The following SUCLG1 variants were observed in gnomAD, a reference collection of about 807,000 sequenced individuals.
The protein encoded by SUCLG1 is succinate--CoA ligase [ADP/GDP-forming] subunit alpha, mitochondrial.
SUCLG1 carries 26 observed loss-of-function variants against 37.3 expected under a neutral mutation model. That is an observed-to-expected ratio of 0.70 (90% CI 0.51 to 0.97). The LOEUF is 0.97. Ranked by LOEUF, SUCLG1 falls within the 50% of genes least tolerant of loss-of-function variation. The probability of loss-of-function intolerance (pLI) is 0.00; values close to 1 mark genes in which losing one functional copy is unlikely to be tolerated. For missense variants in SUCLG1, 433 were observed against 432.9 expected, an observed-to-expected ratio of 1.00 and a Z score of 0.00; for synonymous variants, 163 against 155.6, an observed-to-expected ratio of 1.05 and a Z score of -0.36.
chr2:84,443,467 A>G, intron 2 of SUCLG1, 67 bp from the exon 3 acceptor site: 1 of 1,363,324 alleles, frequency 7.3e-7, no homozygotes, highest in Non-Finnish European at 1.0e-6. Flanking sequence ...AGCAAAAGCA[A>G]TCTTAGCAAC....
At chr2:84,433,603 G>T (rs1406954517) in intron 5 of SUCLG1, 168 bp from the exon 6 acceptor site, 11 of 653,408 alleles carry the variant, frequency 1.7e-5, no homozygotes, top group Non-Finnish European at 3.0e-5. Context: ...AAAAGGAAAG[G>T]CTTAAATTCA....
At chr2:84,457,436 C>T (rs1350596362) in intron 1 of SUCLG1, among the ~76,000 whole-genome samples, 1 of 152,174 alleles carries the variant, frequency 6.6e-6, no homozygotes, top group Non-Finnish European at 1.5e-5. Flanking sequence ...ACCAGATGGT[C>T]ACTCTAGGGC....
Position 84,441,357 on chromosome 2 carries a change from C to T in SUCLG1, c.421G>A (p.Val141Met). 1 of 1,614,130 alleles carries T rather than the reference C, an allele frequency of 6.2e-7. No homozygotes were observed. Among genetic ancestry groups the T allele is most frequent in the Non-Finnish European group, 8.5e-7 (1 of 1,180,020 alleles). The change falls in exon 4 of 9, where the codon GTG (valine) becomes ATG (methionine). Residue 141 changes from valine to methionine, a missense_variant. By Grantham distance (21) the Val-to-Met change is conservative. Transcript: ENST00000393868. ...EAIEAEIPLV[V>M]CITEGIPQQD... ...TGGGGAATTCCTTCAGTGATACACA[C>T]AACCAAGGGAATTTCTGCCTCAATA...
chr2:84,433,084 C>T, intron 6 of SUCLG1: 2 of 516,954 alleles, frequency 3.9e-6, no homozygotes, highest in Non-Finnish European at 6.9e-6. Context: ...AGCAATCAAA[C>T]CAAGTGATGT....
At chr2:84,456,099 G>A (rs1673015201) in intron 1 of SUCLG1, among the ~76,000 whole-genome samples, 1 of 152,116 alleles carries the variant, frequency 6.6e-6, no homozygotes, top group African/African-American at 2.4e-5. Context: ...CACTGTTGAG[G>A]ATCTCATTTT....
Position 84,431,609 on chromosome 2 carries a change from T to C in SUCLG1, c.724A>G (p.Ile242Val), listed in dbSNP as rs1221041580. 1 of 1,614,002 alleles carries C rather than the reference T, an allele frequency of 6.2e-7. No individual in the cohort carries two copies. Among genetic ancestry groups the C allele is most frequent in the South Asian group, 1.1e-5 (1 of 91,084 alleles). Residue 242 changes from isoleucine to valine, a missense_variant, in exon 7 of 9, where the codon ATC becomes GTC. Transcript: ENST00000393868. ...NGTDFIDCLE[I>V]FLNDSATEGI... ...TCTGTGGCAGAATCGTTCAAAAAGA[T>C]TTCGAGGCAGTCAATAAAATCTGTT...
intron 3 of SUCLG1, among the ~76,000 whole-genome samples, chr2:84,442,828 C>G (rs1672794960): frequency 6.6e-6 from 1 of 152,158 alleles, no homozygotes; most frequent in African/African-American, 2.4e-5. Context: ...GTTGTGAGAC[C>G]ATGGGCAAGA....
At chr2:84,440,983 G>A (rs577031620) in intron 5 of SUCLG1, 64 bp downstream of exon 5, 5 of 1,529,582 alleles carry the variant, frequency 3.3e-6, no homozygotes, top group Middle Eastern at 2.3e-4. Context: ...AAAATTCTTT[G>A]TGAGTTTTGA....
intron 3 of SUCLG1, among the ~76,000 whole-genome samples, chr2:84,442,049 C>T (rs1672781948): frequency 6.6e-6 from 1 of 151,732 alleles, no homozygotes; most frequent in Non-Finnish European, 1.5e-5. Context: ...TTTGTAAGAG[C>T]AGAACGGGTG....
At chr2:84,425,311 A>G (rs1330031014) in intron 8 of SUCLG1, 104 bp downstream of exon 8, 2 of 1,407,054 alleles carry the variant, frequency 1.4e-6, no homozygotes, top group Admixed American at 3.6e-5. Flanking sequence ...TCAGAAAACC[A>G]ATTAAGTCCC....
chr2:84,433,656 A>T, intron 5 of SUCLG1: 1 of 565,316 alleles, frequency 1.8e-6, no homozygotes, highest in Non-Finnish European at 3.2e-6. Context: ...AAAGTATATT[A>T]TTAGTTAAGG....
At chr2:84,443,051 C>A (rs79101523) in intron 3 of SUCLG1, among the ~76,000 whole-genome samples, 1 of 152,156 alleles carries the variant, frequency 6.6e-6, no homozygotes. Flanking sequence ...GTAAGGAAAG[C>A]GTAAAAAGCC....
At chr2:84,446,048 C>T (rs1672845455) in intron 2 of SUCLG1, among the ~76,000 whole-genome samples, 1 of 152,266 alleles carries the variant, frequency 6.6e-6, no homozygotes, top group Admixed American at 6.5e-5. Flanking sequence ...GTGCCCTCTG[C>T]ATGGAATATC....
At chr2:84,433,768 T>A (rs979578072) in intron 5 of SUCLG1, 5 of 347,290 alleles carry the variant, frequency 1.4e-5, no homozygotes, top group Non-Finnish European at 2.2e-5. Context: ...TAGGTACTAA[T>A]CATACCTACA....
In SUCLG1 at chr2:84,433,431, A is replaced by G. The variant is rs1185913354; in HGVS notation, c.594T>C (p.Ile198=). Residue 198 remains isoleucine (I), a synonymous_variant, in exon 6 of 9, where the codon ATT becomes ATC. Coordinates refer to ENST00000393868, the MANE Select transcript of SUCLG1 (RefSeq NM_003849.4). ...GHIHKKGRIG[I]VSRSGTLTYE... ...AAGTCAGGGTGCCAGATCTGGACAC[A>G]ATGCCTTAACGAAAGAGAATTCAAA... 1.9e-6 allele frequency: 3 copies of G among 1,613,690 alleles called. No individual in the cohort carries two copies. The highest frequency in any genetic ancestry group is 8.5e-7 in the Non-Finnish European group (1 of 1,179,706).
rs1672800980 is a variant in SUCLG1 at position 84,443,266 on chromosome 2, T to G, written c.318+18A>C. The G allele has an allele frequency of 6.2e-7, 1 of 1,600,420 alleles. No homozygotes were observed. Among genetic ancestry groups the G allele is most frequent in the African/African-American group, 1.3e-5 (1 of 74,690 alleles). On this transcript the variant is annotated intron_variant, in intron 3 of 8. Coordinates refer to ENST00000393868, the MANE Select transcript of SUCLG1 (RefSeq NM_003849.4). ...CCTTGCTTTTCTTGTCTTGCCAAAC[T>G]CAGGTACCACTAATTACCTCCTTCA... is the stretch of plus-strand genomic sequence containing the variant.
chr2:84,455,679 C>T (rs1325428491), intron 1 of SUCLG1, among the ~76,000 whole-genome samples: 1 of 150,298 alleles, frequency 6.7e-6, no homozygotes, highest in African/African-American at 2.4e-5. Context: ...ACTAAAAATA[C>T]AAAAAAATTA....
intron 1 of SUCLG1, among the ~76,000 whole-genome samples, chr2:84,456,723 G>A (rs1180987632): frequency 6.6e-6 from 1 of 152,056 alleles, no homozygotes; most frequent in Non-Finnish European, 1.5e-5. Context: ...GAGTACAGTG[G>A]CACGATCTCA....
intron 1 of SUCLG1, among the ~76,000 whole-genome samples, chr2:84,450,955 C>G (rs1234663978): frequency 6.6e-6 from 1 of 152,208 alleles, no homozygotes; most frequent in African/African-American, 2.4e-5. Flanking sequence ...CTTTCTCATA[C>G]TAGACTGTGC....
Sources: allele counts gnomAD v4.1 joint callset (sites outside exome capture counted in the v4.1 genomes callset), GRCh38; gene constraint gnomAD v4.1.1; transcripts MANE v1.5; gene names NCBI Gene and HGNC (gene_info 2026-07-23, HGNC 2026-07-21).